The following LMBRD1 variants were observed in gnomAD, a reference collection of about 807,000 sequenced individuals.
The protein encoded by LMBRD1 is LMBR1 domain containing 1, also known as lysosomal cobalamin transport escort protein LMBD1.
In LMBRD1, 64 loss-of-function variants were observed where a neutral mutation model predicts 74.8. The observed-to-expected ratio is 0.86, with a 90% CI of 0.70 to 1.05. The LOEUF (loss-of-function observed/expected upper bound fraction) is 1.05. LMBRD1 is among the 50% of genes least tolerant of loss of function. The pLI, the probability that LMBRD1 is intolerant of heterozygous loss-of-function variation, is 0.00. For synonymous variants in LMBRD1, 204 were observed against 216.3 expected, an observed-to-expected ratio of 0.94 and a Z score of 0.50; for missense variants, 652 against 645.9, an observed-to-expected ratio of 1.01 and a Z score of -0.10.
chr6:69,721,076 C>A (rs571735160), intron 7 of LMBRD1, among the ~76,000 whole-genome samples: 2 of 152,324 alleles, frequency 1.3e-5, no homozygotes, highest in African/African-American at 4.8e-5. Flanking sequence ...GGGAATCACT[C>A]ATCCCAGTGG....
intron 14 of LMBRD1, among the ~76,000 whole-genome samples, chr6:69,685,151 T>C (rs1045989024): frequency 5.3e-5 from 8 of 152,076 alleles, no homozygotes; most frequent in Non-Finnish European, 7.4e-5. Context: ...TGTTTGGAGA[T>C]TGAAAAAAGA....
chr6:69,786,619 T>C (rs985074692), intron 2 of LMBRD1, among the ~76,000 whole-genome samples: 2 of 152,120 alleles, frequency 1.3e-5, no homozygotes, highest in African/African-American at 4.8e-5. Context: ...ATCTAAAAAG[T>C]TAATTACTTT....
intron 1 of LMBRD1, among the ~76,000 whole-genome samples, chr6:69,790,887 A>G (rs1290801237): frequency 6.6e-6 from 1 of 152,240 alleles, no homozygotes; most frequent in African/African-American, 2.4e-5. Flanking sequence ...TTGGATGAAA[A>G]TTAACTTCTG....
At chr6:69,681,620 C>CATGT (rs5877217) in intron 14 of LMBRD1, among the ~76,000 whole-genome samples, 6 of 151,528 alleles carry the variant, frequency 4.0e-5, no homozygotes, top group African/African-American at 1.2e-4. Context: ...CCTTATTTTA[C>CATGT]GTGTATATAT....
intron 7 of LMBRD1, among the ~76,000 whole-genome samples, chr6:69,729,728 C>A (rs1280063214): frequency 6.6e-6 from 1 of 151,806 alleles, no homozygotes; most frequent in Non-Finnish European, 1.5e-5. Context: ...AAGACCAGAA[C>A]AAAACACTAT....
intron 6 of LMBRD1, among the ~76,000 whole-genome samples, chr6:69,739,106 C>G (rs1214755855): frequency 1.3e-5 from 2 of 152,032 alleles, no homozygotes; most frequent in Non-Finnish European, 1.5e-5. Flanking sequence ...GTTTATACAA[C>G]TAGGAGGGGT....
At chr6:69,700,022 C>G (rs2149843932) in intron 12 of LMBRD1, among the ~76,000 whole-genome samples, 1 of 151,856 alleles carries the variant, frequency 6.6e-6, no homozygotes, top group East Asian at 1.9e-4. Context: ...CTACCTTTTT[C>G]TTCACAGAAT....
At chr6:69,770,482 T>C (rs1443944328) in intron 3 of LMBRD1, among the ~76,000 whole-genome samples, 2 of 152,208 alleles carry the variant, frequency 1.3e-5, no homozygotes, top group South Asian at 2.1e-4. Flanking sequence ...ATTTGTTTTC[T>C]GGTGAGAGAA....
chr6:69,770,441 T>C (rs915324182), intron 3 of LMBRD1, among the ~76,000 whole-genome samples: 1 of 152,208 alleles, frequency 6.6e-6, no homozygotes, highest in East Asian at 1.9e-4. Context: ...ACTGAAGCTG[T>C]TGTTTTCTGT....
chr6:69,678,223 A>G (rs896332864), intron 14 of LMBRD1, among the ~76,000 whole-genome samples: 4 of 152,160 alleles, frequency 2.6e-5, no homozygotes, highest in African/African-American at 9.7e-5. Flanking sequence ...TGTTATTAAG[A>G]AAATCATAAA....
rs781157110 is a variant in LMBRD1, at chr6:69,796,893, G to T, written c.-12C>A. On this transcript the variant is annotated 5_prime_UTR_variant, in exon 1 of 16. Transcript: ENST00000649934. ...CCAGAAGTCGCCATCTTCGCTTCCG[G>T]TCCAGACCAACCTGAGCGCCCGGGG... 6.8e-6 allele frequency: 11 copies of T among 1,613,710 alleles called. No individual in the cohort carries two copies. The African/African-American group carries it at 1.5e-4, about 22-fold the overall frequency.
chr6:69,688,902 T>C (rs1291180510), intron 14 of LMBRD1, among the ~76,000 whole-genome samples: 1 of 152,128 alleles, frequency 6.6e-6, no homozygotes, highest in East Asian at 1.9e-4. Context: ...CAAAGTTAGA[T>C]CATTACCTTG....
chr6:69,754,200 TTATGGA>T (rs1216162025), intron 3 of LMBRD1, among the ~76,000 whole-genome samples: 1 of 152,112 alleles, frequency 6.6e-6, no homozygotes. Flanking sequence ...ATGGAAAGTG[TTATGGA>T]GATGAATGGC....
In LMBRD1 at chr6:69,763,355, G is replaced by T. The variant is rs577866213; in HGVS notation, c.308-10999C>A. Reference sequence around the variant, plus strand: ...TTGTTTTGAAGAGAACACTAAGGGTGTATTTGATAATTAGATTAGTGAAGA... The same window carrying T: ...TTGTTTTGAAGAGAACACTAAGGGTTTATTTGATAATTAGATTAGTGAAGA... On this transcript the variant is annotated intron_variant, in intron 3 of 15. Transcript: ENST00000649934. Among the ~76,000 whole-genome samples, 16 of 152,182 alleles carry T rather than the reference G, an allele frequency of 1.1e-4. No individual in the cohort carries two copies. In the South Asian group the frequency reaches 3.1e-3, roughly 30 times the overall value.
rs1485669366 is a variant in LMBRD1, at chr6:69,753,067, C to G, written c.308-711G>C. Among the ~76,000 whole-genome samples the G allele has an allele frequency of 2.6e-5, 4 of 152,042 alleles. No homozygotes were observed. In the East Asian group the frequency reaches 7.7e-4, roughly 29 times the overall value. ...AGATTATATTCAAAATTAGATTCAA[C>G]ATTAACTGATAGGAATTACTATTTA... On this transcript the variant is annotated intron_variant, in intron 3 of 15. Transcript: ENST00000649934.
At chr6:69,776,586 C>T (rs1765710336) in intron 3 of LMBRD1, among the ~76,000 whole-genome samples, 1 of 152,176 alleles carries the variant, frequency 6.6e-6, no homozygotes, top group African/African-American at 2.4e-5. Context: ...CTTTTGAAAA[C>T]ACACATGGAA....
intron 3 of LMBRD1, among the ~76,000 whole-genome samples, chr6:69,770,437 G>A (rs767458554): frequency 3.3e-5 from 5 of 152,198 alleles, no homozygotes; most frequent in African/African-American, 1.2e-4. Flanking sequence ...AAGAACTGAA[G>A]CTGTTGTTTT....
At chr6:69,738,524 T>G (rs1037953203) in intron 6 of LMBRD1, among the ~76,000 whole-genome samples, 7 of 152,070 alleles carry the variant, frequency 4.6e-5, no homozygotes, top group Non-Finnish European at 7.4e-5. Context: ...TATTTCACTT[T>G]TTAACTTGAA....
At chr6:69,726,831 C>T (rs1304808319) in intron 7 of LMBRD1, among the ~76,000 whole-genome samples, 2 of 151,338 alleles carry the variant, frequency 1.3e-5, no homozygotes, top group African/African-American at 4.9e-5. Context: ...AACAGGTGAA[C>T]TATAGTCAAT....
Sources: allele counts gnomAD v4.1 joint callset (sites outside exome capture counted in the v4.1 genomes callset), GRCh38; gene constraint gnomAD v4.1.1; transcripts MANE v1.5; gene names NCBI Gene and HGNC (gene_info 2026-07-23, HGNC 2026-07-21).